Variants in PGRMC2 observed in about 807,000 individuals in gnomAD.
PGRMC2 encodes membrane-associated progesterone receptor component 2.
Under a neutral mutation model 19.3 loss-of-function variants are expected in PGRMC2, and 9 were observed. The observed-to-expected ratio is 0.47, with a 90% CI of 0.28 to 0.81. The LOEUF (loss-of-function observed/expected upper bound fraction) is 0.81, where lower values mean the gene tolerates loss of function less well. Among genes scored for constraint, PGRMC2 ranks in the 40% least tolerant of loss-of-function variants. The pLI is 0.11. For synonymous variants in PGRMC2, 157 were observed against 124.6 expected (o/e 1.26, Z -1.73); for missense variants, 289 against 297.3 (o/e 0.97, Z 0.21).
chr4:128,275,628 C>A (rs1287110368), intron 1 of PGRMC2, among the ~76,000 whole-genome samples: 1 of 152,168 alleles, frequency 6.6e-6, no homozygotes, highest in Non-Finnish European at 1.5e-5. Context: ...GCTGTCTTCT[C>A]CATATGTTTA....
chr4:128,282,541 T>C (rs899786207), intron 1 of PGRMC2, among the ~76,000 whole-genome samples: 5 of 152,214 alleles, frequency 3.3e-5, no homozygotes, highest in Middle Eastern at 3.2e-3. Context: ...GCCAACTAAG[T>C]AGTTATAATA....
intron 1 of PGRMC2, among the ~76,000 whole-genome samples, chr4:128,284,666 C>A (rs1173989451): frequency 2.0e-5 from 3 of 152,114 alleles, no homozygotes; most frequent in Admixed American, 1.3e-4. Context: ...AAATTTAATC[C>A]TAAAACCATT....
chr4:128,281,090 A>C (rs1760904652), intron 1 of PGRMC2, among the ~76,000 whole-genome samples: 1 of 152,246 alleles, frequency 6.6e-6, no homozygotes, highest in South Asian at 2.1e-4. Flanking sequence ...TTAAACAAGG[A>C]CTATATTAAA....
chr4:128,286,116 TACACCTACAG>T (rs1760978929), intron 1 of PGRMC2, among the ~76,000 whole-genome samples: 1 of 151,716 alleles, frequency 6.6e-6, no homozygotes, highest in Admixed American at 6.6e-5. Context: ...ATAAATCTTA[TACACCTACAG>T]ATTAAATTAA....
chr4:128,275,185 T>C (rs1760789027), intron 1 of PGRMC2, among the ~76,000 whole-genome samples: 1 of 152,194 alleles, frequency 6.6e-6, no homozygotes, highest in Non-Finnish European at 1.5e-5. Flanking sequence ...TAATAGCTTT[T>C]CTAAGCATTC....
chr4:128,280,935 A>G (rs1453832116), intron 1 of PGRMC2, among the ~76,000 whole-genome samples: 1 of 152,140 alleles, frequency 6.6e-6, no homozygotes, highest in Non-Finnish European at 1.5e-5. Flanking sequence ...CCAAACTATT[A>G]TTCCTGAGTG....
chr4:128,271,644 G>A (rs1156232917), intron 2 of PGRMC2, among the ~76,000 whole-genome samples: 1 of 152,186 alleles, frequency 6.6e-6, no homozygotes, highest in East Asian at 1.9e-4. Context: ...TTTGCAAGAG[G>A]GTGTTCTGTA....
chr4:128,278,173 A>G (rs576080539), intron 1 of PGRMC2, among the ~76,000 whole-genome samples: 10 of 152,336 alleles, frequency 6.6e-5, no homozygotes, highest in African/African-American at 2.4e-4. Flanking sequence ...CAGAATGAAA[A>G]TTCCAAGGTG....
chr4:128,278,687 T>C (rs1290967135), intron 1 of PGRMC2, among the ~76,000 whole-genome samples: 1 of 152,088 alleles, frequency 6.6e-6, no homozygotes, highest in Non-Finnish European at 1.5e-5. Context: ...CTAAAAAAAC[T>C]ACAGATTTTT....
intron 1 of PGRMC2, among the ~76,000 whole-genome samples, chr4:128,282,494 C>T (rs892308160): frequency 2.0e-5 from 3 of 152,178 alleles, no homozygotes; most frequent in African/African-American, 4.8e-5. Flanking sequence ...ACGATTCCCT[C>T]AAAGATTAAA....
chr4:128,282,369 GA>G (rs1173897542), intron 1 of PGRMC2, among the ~76,000 whole-genome samples: 1 of 152,146 alleles, frequency 6.6e-6, no homozygotes, highest in East Asian at 1.9e-4. Flanking sequence ...ACAATTAAAA[GA>G]ACTTGAATGG....
At chr4:128,271,677 T>C (rs1214485731) in intron 2 of PGRMC2, among the ~76,000 whole-genome samples, 2 of 152,218 alleles carry the variant, frequency 1.3e-5, no homozygotes, top group African/African-American at 2.4e-5. Context: ...AGTTGGATAC[T>C]GCATCAGAAT....
intron 1 of PGRMC2, among the ~76,000 whole-genome samples, chr4:128,274,933 A>C (rs1295790610): frequency 6.6e-6 from 1 of 152,194 alleles, no homozygotes; most frequent in Non-Finnish European, 1.5e-5. Context: ...CAGATAAAAA[A>C]CAGGAGCGGA....
chr4:128,285,117 T>C lies in PGRMC2; in HGVS notation c.418+2256A>G, dbSNP rs564267614. Among the ~76,000 whole-genome samples, 4 of 151,596 alleles carry C rather than the reference T, an allele frequency of 2.6e-5. No homozygotes were observed. The East Asian group carries it at 7.7e-4, about 29-fold the overall frequency. On this transcript the variant is annotated intron_variant, in intron 1 of 2. Coordinates refer to ENST00000296425, the MANE Select transcript of PGRMC2 (RefSeq NM_006320.6). ...TACCATAAAAAAGCAATCTACCACC[T>C]ATGACTCTTAATTTTTAATTTTTTT...
chr4:128,287,554 A>AACCCCCCC lies in PGRMC2; in HGVS notation c.236_237insGGGGGGGT (p.Leu80GlyfsTer22). On this transcript the variant is annotated frameshift_variant, in exon 1 of 3. Coordinates refer to ENST00000296425, the MANE Select transcript of PGRMC2 (RefSeq NM_006320.6). LOFTEE classifies it high-confidence loss of function. ...CGCCCGCCCCGGCCCCGGCCCCCAGACCCCGCCGCCCCCAGCGCACCCACA... is the reference window on the plus strand; with the variant it reads ...CGCCCGCCCCGGCCCCGGCCCCCAGAACCCCCCCCCCCGCCGCCCCCAGCGCACCCACA... 1 of 924,834 alleles carries AACCCCCCC rather than the reference A, an allele frequency of 1.1e-6. No individual in the cohort carries two copies. The highest frequency in any genetic ancestry group is 1.5e-6 in the Non-Finnish European group (1 of 672,998). 57.3% of individuals were successfully genotyped at this position (924,834 alleles called of 1,614,324 possible). A position where few individuals can be genotyped will look rare whatever the true frequency, so the allele number is the denominator to read the frequency against.
intron 1 of PGRMC2, among the ~76,000 whole-genome samples, chr4:128,274,711 A>T (rs1227773666): frequency 6.6e-6 from 1 of 152,140 alleles, no homozygotes; most frequent in African/African-American, 2.4e-5. Context: ...TATAAACATT[A>T]TATTTACCCT....
chr4:128,284,858 T>C (rs1760960202), intron 1 of PGRMC2, among the ~76,000 whole-genome samples: 3 of 152,240 alleles, frequency 2.0e-5, no homozygotes, highest in African/African-American at 7.2e-5. Context: ...GTACTACTTA[T>C]TACATTTTCT....
chr4:128,279,748 T>C (rs1381605108), intron 1 of PGRMC2, among the ~76,000 whole-genome samples: 2 of 152,116 alleles, frequency 1.3e-5, no homozygotes, highest in Non-Finnish European at 2.9e-5. Flanking sequence ...TATTAAAATA[T>C]TGTGAAGGGT....
intron 1 of PGRMC2, among the ~76,000 whole-genome samples, chr4:128,282,059 A>T (rs1760917167): frequency 6.6e-6 from 1 of 152,206 alleles, no homozygotes; most frequent in African/African-American, 2.4e-5. Flanking sequence ...AGCATATTAC[A>T]GATTATAATT....
Sources: gnomAD v4.1 joint callset for allele counts (sites outside exome capture counted in the v4.1 genomes callset) on GRCh38, gnomAD v4.1.1 for gene constraint, MANE v1.5 for transcripts, NCBI Gene and HGNC (gene_info 2026-07-23, HGNC 2026-07-21) for gene names.